The following RANBP2 variants were observed in gnomAD, a reference collection of about 807,000 sequenced individuals.
RANBP2 encodes the protein E3 SUMO-protein ligase RanBP2.
A neutral mutation model predicts 303.6 loss-of-function variants in RANBP2; 57 were observed. That is an observed-to-expected ratio of 0.19 (90% CI 0.15 to 0.23). RANBP2 has a LOEUF of 0.23. Among genes scored for constraint, RANBP2 ranks in the 10% least tolerant of loss-of-function variants. The pLI is 1.00. For synonymous variants in RANBP2, 1,167 were observed against 1,301.5 expected (o/e 0.90, Z 2.23); for missense variants, 3,138 against 3,780.8 (o/e 0.83, Z 4.46).
the RANBP2 span, among the ~76,000 whole-genome samples, chr2:109,410,413 G>A: frequency 6.6e-6 from 1 of 152,202 alleles, no homozygotes; most frequent in Non-Finnish European, 1.5e-5. Context: ...TCGGTGCGGA[G>A]GGCCCCTGCA....
chr2:109,123,011 G>A, the RANBP2 span, among the ~76,000 whole-genome samples: 1 of 152,198 alleles, frequency 6.6e-6, no homozygotes, highest in Admixed American at 6.5e-5. Flanking sequence ...CGGTGAACTA[G>A]TAACATGAGA....
the RANBP2 span, among the ~76,000 whole-genome samples, chr2:109,539,566 C>T: frequency 1.3e-5 from 2 of 152,152 alleles, no homozygotes; most frequent in East Asian, 3.9e-4. Flanking sequence ...ACCTCAGCCT[C>T]CCAGGTAGCT....
the RANBP2 span, among the ~76,000 whole-genome samples, chr2:109,117,749 C>CGGGAGCTGTAGAT: frequency 6.6e-6 from 1 of 152,246 alleles, no homozygotes; most frequent in Admixed American, 6.5e-5. Flanking sequence ...GAGCTGTAGA[C>CGGGAGCTGTAGAT]GGGAGCTGTT....
the RANBP2 span, among the ~76,000 whole-genome samples, chr2:109,332,635 G>A: frequency 6.6e-6 from 1 of 152,166 alleles, no homozygotes; most frequent in East Asian, 1.9e-4. Flanking sequence ...CTGCCCCGTG[G>A]GTGGAACATC....
chr2:109,336,845 A>G, the RANBP2 span, among the ~76,000 whole-genome samples: 1 of 152,184 alleles, frequency 6.6e-6, no homozygotes, highest in Non-Finnish European at 1.5e-5. Flanking sequence ...TCCTGCTCCA[A>G]CCGTATCCGT....
At chr2:109,707,490 C>A in the RANBP2 span, among the ~76,000 whole-genome samples, 2 of 152,216 alleles carry the variant, frequency 1.3e-5, no homozygotes, top group Non-Finnish European at 2.9e-5. Context: ...GCTATAAATA[C>A]CCACGTTGCC....
downstream of RANBP2, among the ~76,000 whole-genome samples, chr2:108,787,621 G>A (rs1042243718): frequency 6.6e-6 from 1 of 152,164 alleles, no homozygotes; most frequent in South Asian, 2.1e-4. Context: ...GTGCAGATCC[G>A]ACCCAAGAAC....
At chr2:109,705,781 T>C in the RANBP2 span, among the ~76,000 whole-genome samples, 2 of 152,300 alleles carry the variant, frequency 1.3e-5, no homozygotes, top group South Asian at 4.1e-4. Flanking sequence ...CAAGGAGCTC[T>C]TGGACTCTTA....
chr2:109,219,706 A>G, the RANBP2 span, among the ~76,000 whole-genome samples: 3 of 152,362 alleles, frequency 2.0e-5, no homozygotes, highest in South Asian at 2.1e-4. Flanking sequence ...ATCAAAAAGA[A>G]TAAAATACTT....
At chr2:109,514,309 CAG>C in the RANBP2 span, among the ~76,000 whole-genome samples, 1 of 152,156 alleles carries the variant, frequency 6.6e-6, no homozygotes, top group African/African-American at 2.4e-5. Context: ...GCTGTGGACT[CAG>C]AAAACCACGT....
At chr2:109,610,546 G>C in the RANBP2 span, among the ~76,000 whole-genome samples, 2 of 152,014 alleles carry the variant, frequency 1.3e-5, no homozygotes, top group Non-Finnish European at 2.9e-5. Context: ...GAAACCCTGT[G>C]TCTACTAAAA....
chr2:109,131,815 G>A, the RANBP2 span, among the ~76,000 whole-genome samples: 1 of 152,200 alleles, frequency 6.6e-6, no homozygotes, highest in South Asian at 2.1e-4. Flanking sequence ...GCATAGTCAT[G>A]TTCATGACTT....
the RANBP2 span, among the ~76,000 whole-genome samples, chr2:109,675,222 GA>G: frequency 6.6e-6 from 1 of 152,186 alleles, no homozygotes; most frequent in South Asian, 2.1e-4. Flanking sequence ...CCCTCTGTCT[GA>G]TCTTGAAGAA....
chr2:109,404,686 C>T, the RANBP2 span, among the ~76,000 whole-genome samples: 1 of 152,166 alleles, frequency 6.6e-6, no homozygotes, highest in Non-Finnish European at 1.5e-5. Flanking sequence ...TGCCCCCTCC[C>T]AGCACCTTTG....
chr2:109,528,070 G>A, the RANBP2 span, among the ~76,000 whole-genome samples: 3 of 152,324 alleles, frequency 2.0e-5, no homozygotes, highest in East Asian at 3.9e-4. Flanking sequence ...ATGCACCTGA[G>A]GCATCCCAGC....
the RANBP2 span, among the ~76,000 whole-genome samples, chr2:109,681,974 AC>A: frequency 1.6e-4 from 24 of 152,232 alleles, no homozygotes; most frequent in South Asian, 5.0e-3. Context: ...TGCTGTAAAC[AC>A]GGGTTCCCAA....
At chr2:109,536,004 A>G in the RANBP2 span, among the ~76,000 whole-genome samples, 1 of 124,510 alleles carries the variant, frequency 8.0e-6, no homozygotes, top group African/African-American at 3.1e-5. Context: ...TTTCAGATGT[A>G]TGGAAATACT....
At chr2:109,419,120 A>G in the RANBP2 span, among the ~76,000 whole-genome samples, 2 of 152,166 alleles carry the variant, frequency 1.3e-5, no homozygotes, top group Admixed American at 1.3e-4. Flanking sequence ...AATTTTCTTT[A>G]GGGATTAATC....
the RANBP2 span, chr2:108,923,278 T>G: frequency 8.0e-7 from 1 of 1,253,190 alleles, no homozygotes; most frequent in African/African-American, 1.5e-5. Context: ...CTTGTCCAGG[T>G]GCCAGGACCG....
Sources: allele counts gnomAD v4.1 joint callset (sites outside exome capture counted in the v4.1 genomes callset), GRCh38; gene constraint gnomAD v4.1.1; transcripts MANE v1.5; gene names NCBI Gene and HGNC (gene_info 2026-07-23, HGNC 2026-07-21).